Variants in DYNC2H1 observed in about 807,000 individuals in gnomAD.
DYNC2H1 encodes the protein cytoplasmic dynein 2 heavy chain 1.
A neutral mutation model predicts 570.0 loss-of-function variants in DYNC2H1; 410 were observed. The observed-to-expected ratio is 0.72, with a 90% CI of 0.66 to 0.78. The LOEUF (loss-of-function observed/expected upper bound fraction) is 0.78. Among genes scored for constraint, DYNC2H1 ranks in the 30% least tolerant of loss-of-function variants. DYNC2H1 has a pLI of 0.00. For missense variants in DYNC2H1, 4,865 were observed against 5,046.4 expected (o/e 0.96, Z 1.09); for synonymous variants, 1,688 against 1,677.6 (o/e 1.01, Z -0.15).
chr11:103,126,923 C>T (rs1591280860), intron 12 of DYNC2H1, among the ~76,000 whole-genome samples: 1 of 152,316 alleles, frequency 6.6e-6, no homozygotes, highest in Non-Finnish European at 1.5e-5. Flanking sequence ...CAGGCGTGAG[C>T]CACCGCAGCC....
intron 70 of DYNC2H1, among the ~76,000 whole-genome samples, chr11:103,263,544 A>G (rs1367666734): frequency 6.6e-6 from 1 of 152,238 alleles, no homozygotes; most frequent in Non-Finnish European, 1.5e-5. Flanking sequence ...ATTAGAACTA[A>G]GGATTAAGAA....
chr11:103,437,493 T>C (rs1437469904), intron 85 of DYNC2H1, among the ~76,000 whole-genome samples: 1 of 123,504 alleles, frequency 8.1e-6, no homozygotes, highest in East Asian at 2.7e-4. Context: ...GTTCTCTGGA[T>C]TGTAGGATTG....
At chr11:103,119,688 C>G (rs1158183440) in intron 6 of DYNC2H1, among the ~76,000 whole-genome samples, 2 of 152,114 alleles carry the variant, frequency 1.3e-5, no homozygotes, top group African/African-American at 2.4e-5. Flanking sequence ...AATGTTCCAG[C>G]CCAGCCCATG....
chr11:103,216,075 C>A (rs1273030995), intron 55 of DYNC2H1, among the ~76,000 whole-genome samples: 13 of 152,082 alleles, frequency 8.5e-5, no homozygotes, highest in Non-Finnish European at 4.4e-5. Context: ...TGACCATGTG[C>A]AACTTATGTA....
intron 60 of DYNC2H1, among the ~76,000 whole-genome samples, chr11:103,233,029 G>T (rs2135189640): frequency 6.6e-6 from 1 of 152,048 alleles, no homozygotes; most frequent in Non-Finnish European, 1.5e-5. Flanking sequence ...CCGTAAAGTG[G>T]CTAGTGGTTA....
chr11:103,384,833 A>C (rs1379805685), intron 83 of DYNC2H1, among the ~76,000 whole-genome samples: 1 of 152,070 alleles, frequency 6.6e-6, no homozygotes, highest in African/African-American at 2.4e-5. Flanking sequence ...CCTGTATCTC[A>C]GACATTCTGT....
Position 103,155,560 on chromosome 11 carries a change from C to A in DYNC2H1, c.3744+59C>A, listed in dbSNP as rs570675938. On this transcript the variant is annotated intron_variant, in intron 25 of 88. Coordinates refer to ENST00000375735, the MANE Select transcript of DYNC2H1 (RefSeq NM_001377.3). ...TGGCCTTTTTTAATATACAATATTG[C>A]TTCATATTTTGTTTAAATACAAAAA... The A allele has an allele frequency of 3.4e-6, 5 of 1,481,678 alleles. No homozygotes were observed. In the Admixed American group the frequency reaches 1.0e-4, roughly 30 times the overall value. 91.8% of individuals were successfully genotyped at this position (1,481,678 alleles called of 1,614,324 possible).
intron 79 of DYNC2H1, among the ~76,000 whole-genome samples, chr11:103,315,780 C>T (rs577917286): frequency 1.3e-5 from 2 of 152,104 alleles, no homozygotes; most frequent in South Asian, 4.2e-4. Flanking sequence ...CTCTTTCCCA[C>T]GTTTTACTGA....
chr11:103,118,605 C>G (rs1044912578), intron 6 of DYNC2H1, among the ~76,000 whole-genome samples: 1 of 151,960 alleles, frequency 6.6e-6, no homozygotes, highest in Non-Finnish European at 1.5e-5. Context: ...TCACAGCCAA[C>G]AAAATGACGA....
intron 84 of DYNC2H1, among the ~76,000 whole-genome samples, chr11:103,413,075 C>G (rs1943147372): frequency 6.6e-6 from 1 of 152,164 alleles, no homozygotes; most frequent in East Asian, 1.9e-4. Context: ...TTTTATCAAG[C>G]TCTTGAGGTG....
intron 83 of DYNC2H1, among the ~76,000 whole-genome samples, chr11:103,373,051 C>T (rs906284021): frequency 3.3e-5 from 5 of 152,084 alleles, no homozygotes; most frequent in African/African-American, 9.7e-5. Flanking sequence ...TCAGGCAATC[C>T]CCATGCCTCA....
chr11:103,183,112 T>G (rs1861921386), intron 40 of DYNC2H1, among the ~76,000 whole-genome samples: 1 of 151,940 alleles, frequency 6.6e-6, no homozygotes, highest in Admixed American at 6.6e-5. Flanking sequence ...AGGACCAAGC[T>G]TATCACACTC....
chr11:103,184,867 C>T (rs1432101628), intron 40 of DYNC2H1, 29 bp from the exon 41 acceptor site: 22 of 1,607,680 alleles, frequency 1.4e-5, no homozygotes, highest in Non-Finnish European at 1.8e-5. Context: ...TGCCTTTTGT[C>T]TGTTTGTATC....
At chr11:103,282,262 T>A in intron 72 of DYNC2H1, 33 bp downstream of exon 72, 1 of 1,595,452 alleles carries the variant, frequency 6.3e-7, no homozygotes. Context: ...ATTTTGCTCT[T>A]AAAGAAAATA....
chr11:103,170,868 T>G lies in DYNC2H1; in HGVS notation c.5152-18T>G. On this transcript the variant is annotated intron_variant, in intron 33 of 88. Transcript: ENST00000375735. The surrounding 1 kb of genome is among the most constrained non-coding windows in gnomAD (Gnocchi z 4.8). ...TGATTATTTTTTAATGACTATAATT[T>G]TTATTGTTGTTTTTAAGGGCATCGA... is the stretch of plus-strand genomic sequence containing the variant. The G allele has an allele frequency of 6.9e-7, 1 of 1,443,052 alleles. No homozygotes were observed. The highest frequency in any genetic ancestry group is 9.2e-7 in the Non-Finnish European group (1 of 1,088,298). The allele number at this position is 1,443,052 out of a possible 1,614,324, so 89.4% of individuals were successfully genotyped here.
At chr11:103,193,853 C>A (rs1482518449) in intron 47 of DYNC2H1, among the ~76,000 whole-genome samples, 1 of 151,986 alleles carries the variant, frequency 6.6e-6, no homozygotes, top group Non-Finnish European at 1.5e-5. Context: ...GCCAGATTTT[C>A]TTTTTTAAAA....
At position 103,446,599 on chromosome 11, in the gene DYNC2H1, T is replaced by C. The variant is rs367952018; in HGVS notation, c.12457-8587T>C. The stretch of plus-strand genomic sequence containing the variant: ...AAATATAGACAGTTTTTTCAGGGAG[T>C]TGTGTTATGAAGTAACACAGATGAA... On this transcript the variant is annotated intron_variant, in intron 85 of 88. Transcript: ENST00000375735. This position sits in a 1 kb window ranked among gnomAD's most constrained non-coding sequence, Gnocchi z 4.5. Among the ~76,000 whole-genome samples the C allele has an allele frequency of 2.0e-5, 3 of 152,106 alleles. No homozygotes were observed. Among genetic ancestry groups the C allele is most frequent in the East Asian group, 3.9e-4 (2 of 5,180 alleles).
At chr11:103,417,199 C>A (rs1033835297) in intron 84 of DYNC2H1, among the ~76,000 whole-genome samples, 1 of 152,148 alleles carries the variant, frequency 6.6e-6, no homozygotes, top group Non-Finnish European at 1.5e-5. Context: ...CCTACCTCAG[C>A]CTCCCAAGTA....
chr11:103,164,605 C>T (rs1256784953), intron 30 of DYNC2H1, among the ~76,000 whole-genome samples: 1 of 152,104 alleles, frequency 6.6e-6, no homozygotes, highest in Non-Finnish European at 1.5e-5. Flanking sequence ...TGCTAGTTAT[C>T]CTGAGTAGAA....
Sources: allele counts gnomAD v4.1 joint callset (sites outside exome capture counted in the v4.1 genomes callset), GRCh38; gene constraint gnomAD v4.1.1; non-coding constraint Gnocchi (gnomAD v3.1); transcripts MANE v1.5; gene names NCBI Gene and HGNC (gene_info 2026-07-23, HGNC 2026-07-21).